Variants in MYOM3 observed in about 807,000 individuals in gnomAD.
MYOM3 encodes the protein myomesin 3, also known as myomesin-3.
In MYOM3, 155 loss-of-function variants were observed where a neutral mutation model predicts 191.7. The ratio of observed to expected loss-of-function variants is 0.81; its 90% confidence interval spans 0.71 to 0.92. The LOEUF (loss-of-function observed/expected upper bound fraction) is 0.92. Among genes scored for constraint, MYOM3 ranks in the 40% least tolerant of loss-of-function variants. The pLI is 0.00. For synonymous variants in MYOM3, 757 were observed against 762.9 expected (o/e 0.99, Z 0.13); for missense variants, 1,889 against 1,890.6 (o/e 1.00, Z 0.02).
chr1:24,063,372 C>T lies in MYOM3; in HGVS notation c.3661+120G>A. The T allele has an allele frequency of 7.0e-7, 1 of 1,426,542 alleles. No homozygotes were observed. Among genetic ancestry groups the T allele is most frequent in the Non-Finnish European group, 9.9e-7 (1 of 1,012,822 alleles). The allele number at this position is 1,426,542 out of a possible 1,614,324, so 88.4% of individuals were successfully genotyped here. A position where few individuals can be genotyped will look rare whatever the true frequency, so the allele number is the denominator to read the frequency against. On this transcript the variant is annotated intron_variant, in intron 31 of 36. Transcript: ENST00000374434. The surrounding 1 kb of genome is among the most constrained non-coding windows in gnomAD (Gnocchi z 4.5). ...GTGCTGTGAAGAGGCGGGATTTTCT[C>T]TTCGGTGTTTGAGGTTAGAAACTAA... is the stretch of plus-strand genomic sequence containing the variant.
chr1:24,092,872 G>A (rs538316312), intron 10 of MYOM3, 75 bp downstream of exon 10: 14 of 1,371,730 alleles, frequency 1.0e-5, no homozygotes, highest in South Asian at 4.7e-5. Flanking sequence ...CTTGCCTAAG[G>A]TTCCACAGCA....
intron 34 of MYOM3, 71 bp from the exon 35 acceptor site, chr1:24,061,153 G>A: frequency 6.2e-7 from 1 of 1,607,716 alleles, no homozygotes; most frequent in South Asian, 1.1e-5. Context: ...AGGTGGAGGT[G>A]AGGGGTGATG....
At chr1:24,081,659 C>G in intron 18 of MYOM3, 1 of 626,890 alleles carries the variant, frequency 1.6e-6, no homozygotes, top group Non-Finnish European at 2.7e-6. Context: ...ACCTTCTGGG[C>G]TCATGCAGTC....
chr1:24,091,182 C>G (rs919721653), intron 11 of MYOM3, among the ~76,000 whole-genome samples, 186 bp from the exon 12 acceptor site: 9 of 152,216 alleles, frequency 5.9e-5, no homozygotes, highest in South Asian at 2.1e-4. Flanking sequence ...TTTCACCATC[C>G]CTGACACTGA....
At position 24,085,181 on chromosome 1, in the gene MYOM3, AATGGATGG is replaced by A. The variant is rs554945831; in HGVS notation, c.1799-550_1799-543del. Among the ~76,000 whole-genome samples, 631 of 136,242 alleles carry A rather than the reference AATGGATGG, an allele frequency of 4.6e-3. 2 individuals are homozygous for A. Among genetic ancestry groups the A allele is most frequent in the African/African-American group, 0.017 (603 of 35,934 alleles). 89.4% of individuals were successfully genotyped at this position (136,242 alleles called of 152,430 possible). On this transcript the variant is annotated intron_variant, in intron 15 of 36. Coordinates refer to ENST00000374434, the MANE Select transcript of MYOM3 (RefSeq NM_152372.4). ...GGACAGGTGGATACATGGATGAATA[AATGGATGG>A]ATGGATGGATGGATAGATGGATGGA... is the stretch of plus-strand genomic sequence containing the variant.
intron 19 of MYOM3, among the ~76,000 whole-genome samples, chr1:24,080,579 C>T (rs1431952518): frequency 2.0e-5 from 3 of 152,252 alleles, no homozygotes; most frequent in Middle Eastern, 3.4e-3. Flanking sequence ...GATATGGGGA[C>T]TCTGGATGAG....
chr1:24,098,556 C>T (rs887981965), intron 6 of MYOM3, among the ~76,000 whole-genome samples: 2 of 152,212 alleles, frequency 1.3e-5, no homozygotes, highest in African/African-American at 4.8e-5. Flanking sequence ...CCCAGGGGCA[C>T]CCTGGTGACA....
chr1:24,066,826 C>G, intron 28 of MYOM3, 195 bp downstream of exon 28: 1 of 552,974 alleles, frequency 1.8e-6, no homozygotes, highest in Non-Finnish European at 3.2e-6. Context: ...GAATCCTACC[C>G]CATGGGCGCT....
rs540203277 is a variant in MYOM3, at chr1:24,089,466, G to A, written c.1614+72C>T. 8 of 1,498,608 alleles carry A rather than the reference G, an allele frequency of 5.3e-6. 1 individual carries two copies. The East Asian group carries it at 7.2e-5, about 13-fold the overall frequency. The allele number at this position is 1,498,608 out of a possible 1,614,324, so 92.8% of individuals were successfully genotyped here. A position where few individuals can be genotyped will look rare whatever the true frequency, so the allele number is the denominator to read the frequency against. On this transcript the variant is annotated intron_variant, in intron 14 of 36. Coordinates refer to ENST00000374434, the MANE Select transcript of MYOM3 (RefSeq NM_152372.4). ...TCATTCTCTGACGGCCTCCCCAGGG[G>A]ACACTGCCCAGGGTCCCACAGCACA...
At position 24,108,573 on chromosome 1, in the gene MYOM3, G is replaced by A. The variant is rs1644014675; in HGVS notation, c.64C>T (p.His22Tyr). 1 of 1,577,936 alleles carries A rather than the reference G, an allele frequency of 6.3e-7. No individual in the cohort carries two copies. The highest frequency in any genetic ancestry group is 8.6e-7 in the Non-Finnish European group (1 of 1,162,298). The change falls in exon 2 of 37, where the codon CAC becomes TAC. Residue 22 changes from histidine to tyrosine, a missense_variant. By Grantham distance (83) the His-to-Tyr change is moderately conservative (BLOSUM62 2). Coordinates refer to ENST00000374434, the MANE Select transcript of MYOM3 (RefSeq NM_152372.4). ...DPRPPQAMEV[H>Y]RLEHRQEEEQ... ...TCCTCCTGCCGGTGCTCCAGCCTGTGAACCTCCATGGCCTGGGGGGGCCGG... is the reference window on the plus strand; with the variant it reads ...TCCTCCTGCCGGTGCTCCAGCCTGTAAACCTCCATGGCCTGGGGGGGCCGG...
At position 24,063,027 on chromosome 1, in the gene MYOM3, G is replaced by A; in HGVS notation, c.3770+99C>T. On this transcript the variant is annotated intron_variant, in intron 32 of 36. Coordinates refer to ENST00000374434, the MANE Select transcript of MYOM3 (RefSeq NM_152372.4). This position sits in a 1 kb window ranked among gnomAD's most constrained non-coding sequence, Gnocchi z 4.5. Reference sequence around the variant, plus strand: ...CTCTGCTTGGGGGACCAGAAACTCTGCTTGGAGGACCAGGCAGGGAGAAGG... The same window carrying A: ...CTCTGCTTGGGGGACCAGAAACTCTACTTGGAGGACCAGGCAGGGAGAAGG... The A allele has an allele frequency of 2.6e-6, 2 of 767,322 alleles. No individual in the cohort carries two copies. The highest frequency in any genetic ancestry group is 4.6e-6 in the Non-Finnish European group (2 of 436,102). The allele number at this position is 767,322 out of a possible 1,614,324, so 47.5% of individuals were successfully genotyped here. A position where few individuals can be genotyped will look rare whatever the true frequency, so the allele number is the denominator to read the frequency against.
Position 24,092,333 on chromosome 1 carries a change from G to C in MYOM3, c.1091-18C>G, listed in dbSNP as rs1643850017. The C allele has an allele frequency of 2.2e-6, 3 of 1,349,704 alleles. No homozygotes were observed. The highest frequency in any genetic ancestry group is 2.9e-6 in the Non-Finnish European group (3 of 1,042,026). 83.6% of individuals were successfully genotyped at this position (1,349,704 alleles called of 1,614,324 possible). ...CTCGGCATCTGAAACCCGGGGGTGA[G>C]AGGGAGGCCCTTCTAGTCAGTGGCC... On this transcript the variant is annotated intron_variant, in intron 10 of 36. Transcript: ENST00000374434.
In MYOM3 at chr1:24,076,269, G is replaced by A. The variant is rs759372490; in HGVS notation, c.2591C>T (p.Ser864Phe). Residue 864 changes from serine to phenylalanine, a missense_variant, in exon 21 of 37, where the codon TCC becomes TTC. Physicochemically the swap from Ser to Phe is radical, Grantham distance 155 (BLOSUM62 -2). Coordinates refer to ENST00000374434, the MANE Select transcript of MYOM3 (RefSeq NM_152372.4). ...GTAACTCTTTCCTGGCTGCAAGTCG[G>A]AAACCTGGGGGCAGAGGGCAAGAGC... ...GPISGTHLRV[S>F]DLQPGKSYVF... The A allele has an allele frequency of 6.2e-7, 1 of 1,613,650 alleles. No individual in the cohort carries two copies. The highest frequency in any genetic ancestry group is 1.1e-5 in the South Asian group (1 of 91,074).
chr1:24,072,024 G>A lies in MYOM3; in HGVS notation c.2969-11C>T, dbSNP rs1436049052. On this transcript the variant is annotated splice_polypyrimidine_tract_variant and intron_variant, in intron 23 of 36. Transcript: ENST00000374434. The stretch of plus-strand genomic sequence containing the variant: ...TCAGCTTCTCCAGCTCTGGGATAGG[G>A]GGAAGTGAGGAAGAAACCAGAGAGA... 6.2e-7 allele frequency: 1 copy of A among 1,614,044 alleles called. No homozygotes were observed. The highest frequency in any genetic ancestry group is 2.2e-5 in the East Asian group (1 of 44,872).
In MYOM3 at chr1:24,086,668, G is replaced by C; in HGVS notation, c.1774C>G (p.Pro592Ala). The change falls in exon 15 of 37, where the codon CCC becomes GCC. Residue 592 changes from proline to alanine, a missense_variant. Pro to Ala is a conservative substitution (Grantham distance 27, BLOSUM62 -1). Coordinates refer to ENST00000374434, the MANE Select transcript of MYOM3 (RefSeq NM_152372.4). ...GLSDPSEPSE[P>A]IALRGPPATL... ...CCTGGCGGGCCCCGCAAGGCGATGG[G>C]TTCGCTGGGCTCCGAGGGATCGCTC... 1.9e-6 allele frequency: 3 copies of C among 1,614,032 alleles called. No individual in the cohort carries two copies. The highest frequency in any genetic ancestry group is 1.7e-5 in the Admixed American group (1 of 59,998).
In MYOM3 at chr1:24,087,611, T is replaced by A. The variant is rs1233228829; in HGVS notation, c.1615-784A>T. On this transcript the variant is annotated intron_variant, in intron 14 of 36. Transcript: ENST00000374434. This position sits in a 1 kb window ranked among gnomAD's most constrained non-coding sequence, Gnocchi z 4.5. Reference sequence around the variant, plus strand: ...CTCCGAGAAATCTCTTGGCTTCCTGTAGGCCTTTAATAAAAATCCACCTTC... The same window carrying A: ...CTCCGAGAAATCTCTTGGCTTCCTGAAGGCCTTTAATAAAAATCCACCTTC... Among the ~76,000 whole-genome samples the A allele has an allele frequency of 6.6e-6, 1 of 152,092 alleles. No homozygotes were observed. The highest frequency in any genetic ancestry group is 1.9e-4 in the East Asian group (1 of 5,190).
chr1:24,105,931 G>T lies in MYOM3; in HGVS notation c.549C>A (p.Pro183=). Residue 183 remains proline, a synonymous_variant, in exon 5 of 37, where the codon CCC becomes CCA. Coordinates refer to ENST00000374434, the MANE Select transcript of MYOM3 (RefSeq NM_152372.4). ...LTCTVQASPP[P]QVTWYKNDTR... is the part of the protein sequence containing the mutation. ...CCCCAGCGGCTTACCAGGTGACCTG[G>T]GGTGGTGGTGAGGCCTGGACAGTGC... 6.2e-7 allele frequency: 1 copy of T among 1,606,048 alleles called. No homozygotes were observed.
chr1:24,076,609 G>A (rs1274784707), intron 20 of MYOM3, among the ~76,000 whole-genome samples: 3 of 93,258 alleles, frequency 3.2e-5, no homozygotes, highest in Admixed American at 1.1e-4. Context: ...CACCTCCCGG[G>A]TTCACGCCAT....
intron 29 of MYOM3, among the ~76,000 whole-genome samples, chr1:24,065,205 C>T (rs1643418863): frequency 6.6e-6 from 1 of 152,210 alleles, no homozygotes; most frequent in South Asian, 2.1e-4. Context: ...TCAGCCTGGC[C>T]AGGATTTGGG....
Sources: allele counts gnomAD v4.1 joint callset (sites outside exome capture counted in the v4.1 genomes callset), GRCh38; gene constraint gnomAD v4.1.1; non-coding constraint Gnocchi (gnomAD v3.1); transcripts MANE v1.5; gene names NCBI Gene and HGNC (gene_info 2026-07-23, HGNC 2026-07-21).